The following GMDS variants were observed in gnomAD, a reference collection of about 807,000 sequenced individuals.
GMDS encodes GDP-mannose 4,6 dehydratase.
Under a neutral mutation model 49.9 loss-of-function variants are expected in GMDS, and 20 were observed. That is an observed-to-expected ratio of 0.40 (90% CI 0.28 to 0.58). The LOEUF (loss-of-function observed/expected upper bound fraction) is 0.58. Ranked by LOEUF, GMDS falls within the 20% of genes least tolerant of loss-of-function variation. GMDS has a pLI of 0.42. For missense variants in GMDS, 362 were observed against 481.4 expected, an observed-to-expected ratio of 0.75 and a Z score of 2.32; for synonymous variants, 177 against 178.6, an observed-to-expected ratio of 0.99 and a Z score of 0.07.
intron 7 of GMDS, among the ~76,000 whole-genome samples, chr6:1,901,339 T>C (rs934021770): frequency 6.6e-6 from 1 of 152,228 alleles, no homozygotes; most frequent in Non-Finnish European, 1.5e-5. Context: ...GTGTTACTAC[T>C]TGGGCTTGGT....
chr6:2,214,084 G>A (rs1460922002), intron 1 of GMDS, among the ~76,000 whole-genome samples: 1 of 152,078 alleles, frequency 6.6e-6, no homozygotes, highest in Non-Finnish European at 1.5e-5. Flanking sequence ...AGGACACAGA[G>A]GCCAAATGGA....
intron 4 of GMDS, among the ~76,000 whole-genome samples, chr6:2,031,443 C>A (rs1417016617): frequency 6.6e-6 from 1 of 150,992 alleles, no homozygotes; most frequent in African/African-American, 2.4e-5. Context: ...GAGAGACACC[C>A]AACAAGATAA....
chr6:1,855,412 G>A (rs751171784), intron 7 of GMDS, among the ~76,000 whole-genome samples: 1 of 152,200 alleles, frequency 6.6e-6, no homozygotes, highest in Non-Finnish European at 1.5e-5. Context: ...AAGTAAAAAT[G>A]CAAGAAGCTG....
At chr6:1,899,015 G>T (rs944864336) in intron 7 of GMDS, among the ~76,000 whole-genome samples, 2 of 152,150 alleles carry the variant, frequency 1.3e-5, no homozygotes, top group Non-Finnish European at 2.9e-5. Flanking sequence ...ATGAGCTTTC[G>T]CCTGCCTTAT....
At chr6:2,223,456 C>T (rs560913275) in intron 1 of GMDS, among the ~76,000 whole-genome samples, 3 of 119,336 alleles carry the variant, frequency 2.5e-5, no homozygotes, top group East Asian at 6.2e-4. Context: ...AACTCACTGG[C>T]AGCAAATGAA....
intron 7 of GMDS, among the ~76,000 whole-genome samples, chr6:1,765,959 G>T (rs972066630): frequency 6.6e-6 from 1 of 152,180 alleles, no homozygotes; most frequent in Non-Finnish European, 1.5e-5. Context: ...GGCTGAGGAT[G>T]TAAGAAGGCT....
chr6:1,861,433 A>C (rs1205122545), intron 7 of GMDS, among the ~76,000 whole-genome samples: 2 of 152,070 alleles, frequency 1.3e-5, no homozygotes, highest in Non-Finnish European at 2.9e-5. Context: ...GAGGGGTTTA[A>C]TTTTACCACA....
At chr6:1,672,239 T>G (rs1234826638) in intron 9 of GMDS, among the ~76,000 whole-genome samples, 2 of 152,102 alleles carry the variant, frequency 1.3e-5, no homozygotes, top group African/African-American at 4.8e-5. Context: ...TCCCAAATGA[T>G]AAAGGCAGCA....
chr6:1,987,206 T>C (rs545487805), intron 4 of GMDS, among the ~76,000 whole-genome samples: 3 of 152,304 alleles, frequency 2.0e-5, no homozygotes, highest in East Asian at 3.9e-4. Context: ...AGCCCATTCA[T>C]ATTTTCCTTA....
At chr6:1,773,508 G>A (rs1352142785) in intron 7 of GMDS, among the ~76,000 whole-genome samples, 1 of 152,250 alleles carries the variant, frequency 6.6e-6, no homozygotes, top group Non-Finnish European at 1.5e-5. Context: ...CATGGAGGAA[G>A]AGGGCTGCCC....
At chr6:1,958,112 T>C (rs1763741528) in intron 6 of GMDS, among the ~76,000 whole-genome samples, 1 of 128,544 alleles carries the variant, frequency 7.8e-6, no homozygotes, top group Non-Finnish European at 1.6e-5. Flanking sequence ...GGCCTTAAAA[T>C]ATGTTTTTTT....
intron 4 of GMDS, among the ~76,000 whole-genome samples, chr6:2,061,344 GA>G (rs966038086): frequency 5.6e-4 from 85 of 151,910 alleles, no homozygotes; most frequent in African/African-American, 2.0e-3. Flanking sequence ...ATGGTATTTT[GA>G]AAAAAAGAGG....
chr6:2,143,482 A>G (rs1318164320), intron 1 of GMDS, among the ~76,000 whole-genome samples: 1 of 152,220 alleles, frequency 6.6e-6, no homozygotes, highest in Non-Finnish European at 1.5e-5. Context: ...GGATAAACTG[A>G]CTGTGCTACT....
In GMDS at chr6:2,199,528, C is replaced by A. The variant is rs559795469; in HGVS notation, c.102+45793G>T. Among the ~76,000 whole-genome samples, 3 of 152,268 alleles carry A rather than the reference C, an allele frequency of 2.0e-5. No individual in the cohort carries two copies. In the East Asian group the frequency reaches 5.8e-4, roughly 29 times the overall value. On this transcript the variant is annotated intron_variant, in intron 1 of 10. Transcript: ENST00000380815. ...CTCTCCCCACTCACTGCTCCCTCCC[C>A]TAAATGTACTGCCACTTTCTCTGTG...
At chr6:2,178,043 C>A (rs1158079293) in intron 1 of GMDS, among the ~76,000 whole-genome samples, 1 of 152,094 alleles carries the variant, frequency 6.6e-6, no homozygotes, top group Non-Finnish European at 1.5e-5. Flanking sequence ...AAACAGAAAA[C>A]CAAATCCCAC....
chr6:1,827,072 AT>A (rs1466649413), intron 7 of GMDS, among the ~76,000 whole-genome samples: 9 of 88,490 alleles, frequency 1.0e-4, no homozygotes, highest in East Asian at 2.8e-4. Flanking sequence ...TCTTAAAAAA[AT>A]ATATATGTGT....
chr6:1,868,754 T>C (rs1397818865), intron 7 of GMDS, among the ~76,000 whole-genome samples: 3 of 152,222 alleles, frequency 2.0e-5, no homozygotes, highest in South Asian at 2.1e-4. Flanking sequence ...CAGAATGTGC[T>C]GAATATGTTA....
At chr6:1,754,175 A>G (rs938877714) in intron 7 of GMDS, among the ~76,000 whole-genome samples, 1 of 152,210 alleles carries the variant, frequency 6.6e-6, no homozygotes, top group African/African-American at 2.4e-5. Context: ...AGAATCAAAT[A>G]GACACAATAT....
At chr6:1,841,675 T>A (rs1757157787) in intron 7 of GMDS, among the ~76,000 whole-genome samples, 1 of 152,346 alleles carries the variant, frequency 6.6e-6, no homozygotes, top group South Asian at 2.1e-4. Context: ...GTGTCACTGC[T>A]ATAGAAATTG....
Sources: gnomAD v4.1 joint callset for allele counts (sites outside exome capture counted in the v4.1 genomes callset) on GRCh38, gnomAD v4.1.1 for gene constraint, MANE v1.5 for transcripts, NCBI Gene and HGNC (gene_info 2026-07-23, HGNC 2026-07-21) for gene names.